Variants in HTR4 observed in about 807,000 individuals in gnomAD.
HTR4 encodes 5-hydroxytryptamine receptor 4, also known as 5-hydroxytryptamine (serotonin) receptor 4, G protein-coupled.
Under a neutral mutation model 36.8 loss-of-function variants are expected in HTR4, and 16 were observed. The ratio of observed to expected loss-of-function variants is 0.43; its 90% confidence interval spans 0.29 to 0.66. HTR4 has a LOEUF of 0.66. HTR4 is among the 30% of genes least tolerant of loss of function. The pLI, the probability that HTR4 is intolerant of heterozygous loss-of-function variation, is 0.13. For synonymous variants in HTR4, 189 were observed against 185.1 expected (o/e 1.02, Z -0.17); for missense variants, 438 against 490.9 (o/e 0.89, Z 1.02).
At position 148,482,163 on chromosome 5, in the gene HTR4, T is replaced by A; in HGVS notation, c.*1040A>T. ...TACAGCATTGCCTCGGCATCCCCAG[T>A]GCTGCTGGATCCTGCCCTCCTGCAC... is the stretch of plus-strand genomic sequence containing the variant. On this transcript the variant is annotated 3_prime_UTR_variant, in exon 7 of 7. Coordinates refer to ENST00000377888, the MANE Select transcript of HTR4 (RefSeq NM_000870.7). 1.0e-6 allele frequency: 1 copy of A among 985,784 alleles called. No individual in the cohort carries two copies. The highest frequency in any genetic ancestry group is 1.2e-6 in the Non-Finnish European group (1 of 830,228). The allele number at this position is 985,784 out of a possible 1,614,324, so 61.1% of individuals were successfully genotyped here.
Position 148,613,289 on chromosome 5 carries a change from C to T in HTR4, c.26+23700G>A, listed in dbSNP as rs1339455692. Among the ~76,000 whole-genome samples, 923 of 123,716 alleles carry T rather than the reference C, an allele frequency of 7.5e-3. 33 individuals are homozygous for T. The highest frequency in any genetic ancestry group is 0.027 in the African/African-American group (867 of 31,896). 81.2% of individuals were successfully genotyped at this position (123,716 alleles called of 152,430 possible). A position where few individuals can be genotyped will look rare whatever the true frequency, so the allele number is the denominator to read the frequency against. On this transcript the variant is annotated intron_variant, in intron 2 of 6. Coordinates refer to ENST00000377888, the MANE Select transcript of HTR4 (RefSeq NM_000870.7). ...TGATGCAAAAATCCTCAATAAAATA[C>T]TGGCAAACCAAATCCAGCAGCACAT...
intron 5 of HTR4, among the ~76,000 whole-genome samples, chr5:148,458,028 A>G (rs879447412): frequency 7.8e-6 from 1 of 128,574 alleles, no homozygotes; most frequent in African/African-American, 2.9e-5. Context: ...AAATTAAGAT[A>G]TATTTAATAT....
chr5:148,538,132 C>T (rs1758922556), intron 4 of HTR4, among the ~76,000 whole-genome samples: 1 of 152,108 alleles, frequency 6.6e-6, no homozygotes, highest in Admixed American at 6.6e-5. Flanking sequence ...ACAAAAACCA[C>T]ATGATAATCT....
intron 2 of HTR4, among the ~76,000 whole-genome samples, chr5:148,633,770 A>C (rs1256302064): frequency 6.6e-6 from 1 of 152,136 alleles, no homozygotes; most frequent in Admixed American, 6.6e-5. Context: ...ATAGTAAAGA[A>C]ATAAAGGCAA....
intron 2 of HTR4, among the ~76,000 whole-genome samples, chr5:148,583,069 G>A (rs952955664): frequency 4.6e-5 from 7 of 151,226 alleles, no homozygotes; most frequent in African/African-American, 1.7e-4. Context: ...TTGGCTGTGG[G>A]TTTGTCATAG....
intron 2 of HTR4, among the ~76,000 whole-genome samples, chr5:148,569,880 G>A (rs915422451): frequency 1.5e-4 from 23 of 152,164 alleles, no homozygotes; most frequent in African/African-American, 4.8e-4. Context: ...GATGATGGGA[G>A]ACTTCTTCAT....
At chr5:148,529,968 A>C (rs1758473178) in intron 4 of HTR4, among the ~76,000 whole-genome samples, 1 of 152,190 alleles carries the variant, frequency 6.6e-6, no homozygotes, top group African/African-American at 2.4e-5. Flanking sequence ...TTTCAACTGG[A>C]GAGAGATGAT....
At chr5:148,495,966 G>A (rs945405641) in intron 6 of HTR4, among the ~76,000 whole-genome samples, 31 of 152,212 alleles carry the variant, frequency 2.0e-4, no homozygotes, top group African/African-American at 7.5e-4. Context: ...GCCGGGTTTG[G>A]TGGCTGGCGC....
At chr5:148,454,849 A>G (rs1196732056) in intron 5 of HTR4, among the ~76,000 whole-genome samples, 1 of 152,136 alleles carries the variant, frequency 6.6e-6, no homozygotes, top group East Asian at 1.9e-4. Context: ...CAAGGTCAGG[A>G]ACCCCTTCCC....
At position 148,644,422 on chromosome 5, in the gene HTR4, G is replaced by GTTTTTTTTTTTTTTTTTT. The variant is rs1175588280; in HGVS notation, c.-47-7379_-47-7362dup. Among the ~76,000 whole-genome samples the GTTTTTTTTTTTTTTTTTT allele has an allele frequency of 1.2e-4, 5 of 40,618 alleles. 2 individuals are homozygous for GTTTTTTTTTTTTTTTTTT. Among genetic ancestry groups the GTTTTTTTTTTTTTTTTTT allele is most frequent in the African/African-American group, 5.3e-4 (5 of 9,420 alleles). The allele number at this position is 40,618 out of a possible 152,430, so 26.6% of individuals were successfully genotyped here. On this transcript the variant is annotated intron_variant, in intron 1 of 6. Coordinates refer to ENST00000377888, the MANE Select transcript of HTR4 (RefSeq NM_000870.7). ...AGATGAATAGGTCTCAAGCTCACAA[G>GTTTTTTTTTTTTTTTTTT]TTTTTTTTTTTTTTTTTTTTTTTTT... is the stretch of plus-strand genomic sequence containing the variant.
chr5:148,590,841 C>A (rs544337094), intron 2 of HTR4, among the ~76,000 whole-genome samples: 92 of 151,934 alleles, frequency 6.1e-4, no homozygotes, highest in Admixed American at 3.3e-3. Flanking sequence ...TAATTACATA[C>A]CACTTGTCAA....
intron 2 of HTR4, among the ~76,000 whole-genome samples, chr5:148,611,727 A>G (rs1338087586): frequency 6.6e-6 from 1 of 151,858 alleles, no homozygotes; most frequent in African/African-American, 2.4e-5. Context: ...AAAGACACAG[A>G]CTGGCAAATT....
Position 148,482,490 on chromosome 5 carries a change from C to A in HTR4, c.*713G>T. On this transcript the variant is annotated 3_prime_UTR_variant, in exon 7 of 7. Coordinates refer to ENST00000377888, the MANE Select transcript of HTR4 (RefSeq NM_000870.7). ...CCAGAGTTGCTGTGGAGACCATTTT[C>A]CTCTGACAGATCTCTGACCCTGTGT... is the stretch of plus-strand genomic sequence containing the variant. The A allele has an allele frequency of 1.0e-6, 1 of 985,626 alleles. No individual in the cohort carries two copies. The highest frequency in any genetic ancestry group is 1.2e-6 in the Non-Finnish European group (1 of 830,118). 61.1% of individuals were successfully genotyped at this position (985,626 alleles called of 1,614,324 possible).
At chr5:148,464,551 T>A (rs1216469644) in intron 5 of HTR4, among the ~76,000 whole-genome samples, 1 of 152,118 alleles carries the variant, frequency 6.6e-6, no homozygotes, top group African/African-American at 2.4e-5. Flanking sequence ...TACAAACCTA[T>A]AAAAATAATC....
intron 6 of HTR4, among the ~76,000 whole-genome samples, chr5:148,487,113 A>T (rs1036270308): frequency 6.6e-6 from 1 of 152,058 alleles, no homozygotes; most frequent in Non-Finnish European, 1.5e-5. Context: ...TTTTTTTCAC[A>T]TTTAATCTTC....
At chr5:148,589,718 A>G (rs1350095880) in intron 2 of HTR4, among the ~76,000 whole-genome samples, 1 of 152,088 alleles carries the variant, frequency 6.6e-6, no homozygotes, top group African/African-American at 2.4e-5. Context: ...ATGGAGATAT[A>G]CTTTACAAAA....
At chr5:148,464,034 C>CAAAAAAAAAAA (rs34212190) in intron 5 of HTR4, among the ~76,000 whole-genome samples, 1 of 99,726 alleles carries the variant, frequency 1.0e-5, no homozygotes. Context: ...CATTGACATG[C>CAAAAAAAAAAA]AAAAAAAAAA....
At chr5:148,509,328 T>A (rs1757378305) in intron 6 of HTR4, 128 bp downstream of exon 6, 1 of 668,748 alleles carries the variant, frequency 1.5e-6, no homozygotes, top group South Asian at 2.1e-5. Flanking sequence ...GATAGTAGAA[T>A]CTTTTATAAT....
At chr5:148,463,620 C>A (rs1414359368) in intron 5 of HTR4, among the ~76,000 whole-genome samples, 1 of 151,818 alleles carries the variant, frequency 6.6e-6, no homozygotes, top group Non-Finnish European at 1.5e-5. Context: ...GATAGAAAGG[C>A]TAAATATTGT....
Sources: gnomAD v4.1 joint callset for allele counts (sites outside exome capture counted in the v4.1 genomes callset) on GRCh38, gnomAD v4.1.1 for gene constraint, MANE v1.5 for transcripts, NCBI Gene and HGNC (gene_info 2026-07-23, HGNC 2026-07-21) for gene names.